The following WDR72 variants were observed in gnomAD, a reference collection of about 807,000 sequenced individuals.
WDR72 encodes WD repeat domain 72, also known as WD repeat-containing protein 72.
A neutral mutation model predicts 124.2 loss-of-function variants in WDR72; 120 were observed. That is an observed-to-expected ratio of 0.97 (90% CI 0.83 to 1.12). WDR72 has a LOEUF of 1.12. Ranked by LOEUF, WDR72 falls within the 50% of genes most tolerant of loss-of-function variation. The probability of loss-of-function intolerance (pLI) is 0.00; values close to 1 mark genes in which losing one functional copy is unlikely to be tolerated. For synonymous variants in WDR72, 452 were observed against 441.7 expected, an observed-to-expected ratio of 1.02 and a Z score of -0.29; for missense variants, 1,387 against 1,278.8, an observed-to-expected ratio of 1.08 and a Z score of -1.29.
chr15:53,524,599 G>A (rs1025352563), intron 18 of WDR72, among the ~76,000 whole-genome samples: 4 of 151,968 alleles, frequency 2.6e-5, no homozygotes, highest in African/African-American at 7.2e-5. Flanking sequence ...AAGACCACAC[G>A]GACAAACTTT....
chr15:53,669,712 A>G (rs576313317), intron 13 of WDR72, among the ~76,000 whole-genome samples: 20 of 152,242 alleles, frequency 1.3e-4, no homozygotes, highest in African/African-American at 4.8e-4. Flanking sequence ...CATCTACAGC[A>G]AAAAAATAAC....
chr15:53,663,285 G>T (rs1416868868), intron 14 of WDR72, among the ~76,000 whole-genome samples: 2 of 152,010 alleles, frequency 1.3e-5, no homozygotes, highest in East Asian at 3.9e-4. Flanking sequence ...AGTATAGTAT[G>T]TAGGACAAAG....
chr15:53,543,014 A>G (rs1227521184), intron 18 of WDR72, among the ~76,000 whole-genome samples: 61 of 151,652 alleles, frequency 4.0e-4, no homozygotes, highest in African/African-American at 1.4e-3. Flanking sequence ...GTGACCTACA[A>G]AGAGACTTAG....
At chr15:53,649,523 A>T (rs1476220386) in intron 14 of WDR72, among the ~76,000 whole-genome samples, 1 of 152,048 alleles carries the variant, frequency 6.6e-6, no homozygotes, top group Non-Finnish European at 1.5e-5. Flanking sequence ...TACTCATGAG[A>T]TTTTCCACCA....
intron 2 of WDR72, among the ~76,000 whole-genome samples, chr15:53,726,036 C>T (rs1408943671): frequency 1.3e-5 from 2 of 149,740 alleles, no homozygotes; most frequent in African/African-American, 2.5e-5. Flanking sequence ...TGCACCACTG[C>T]ACTACAGCCT....
At chr15:53,741,159 T>A (rs1282485709) in intron 1 of WDR72, among the ~76,000 whole-genome samples, 1 of 152,236 alleles carries the variant, frequency 6.6e-6, no homozygotes, top group Non-Finnish European at 1.5e-5. Context: ...AGGATATAGT[T>A]CTAAAGACTC....
chr15:53,630,725 T>A (rs577675288), intron 14 of WDR72, among the ~76,000 whole-genome samples: 28 of 152,190 alleles, frequency 1.8e-4, no homozygotes, highest in African/African-American at 6.7e-4. Context: ...TGATAGAGGG[T>A]ATCTGTGGAA....
chr15:53,664,027 A>G lies in WDR72; in HGVS notation c.1962+1545T>C, dbSNP rs370639436. On this transcript the variant is annotated intron_variant, in intron 14 of 19. Transcript: ENST00000360509. ...CCGGTTTCAATATCTGAAGGAGGAA[A>G]GTACGAACAAAAGCAGGTGTTCTAA... 1.8e-3 allele frequency among the ~76,000 whole-genome samples: 268 copies of G among 152,254 alleles called. 2 individuals are homozygous for G. Among genetic ancestry groups the G allele is most frequent in the Middle Eastern group, 6.8e-3 (2 of 294 alleles).
chr15:53,610,647 G>A (rs1474719153), intron 16 of WDR72, among the ~76,000 whole-genome samples: 2 of 151,808 alleles, frequency 1.3e-5, no homozygotes, highest in East Asian at 3.9e-4. Flanking sequence ...TGTATACAAT[G>A]CAATTTGAGA....
chr15:53,659,258 G>A (rs1316335715), intron 14 of WDR72, among the ~76,000 whole-genome samples: 1 of 152,070 alleles, frequency 6.6e-6, no homozygotes, highest in Non-Finnish European at 1.5e-5. Context: ...TAAATACATC[G>A]AGGGAACTTG....
At chr15:53,620,491 C>A (rs1210587336) in intron 14 of WDR72, among the ~76,000 whole-genome samples, 2 of 151,786 alleles carry the variant, frequency 1.3e-5, no homozygotes, top group Non-Finnish European at 2.9e-5. Flanking sequence ...AGAAATAAAC[C>A]TAAATACTTA....
intron 13 of WDR72, among the ~76,000 whole-genome samples, chr15:53,698,591 G>A (rs1236419700): frequency 1.3e-5 from 2 of 152,184 alleles, no homozygotes; most frequent in Non-Finnish European, 2.9e-5. Flanking sequence ...AATATGATCC[G>A]AGGTCCTATT....
chr15:53,697,439 G>C (rs2017037064), intron 13 of WDR72, among the ~76,000 whole-genome samples: 1 of 152,168 alleles, frequency 6.6e-6, no homozygotes, highest in Non-Finnish European at 1.5e-5. Flanking sequence ...TCTGGCAGGA[G>C]CTGCTTCTTT....
At chr15:53,677,860 C>G (rs577312708) in intron 13 of WDR72, among the ~76,000 whole-genome samples, 158 of 152,300 alleles carry the variant, frequency 1.0e-3, no homozygotes, top group African/African-American at 3.5e-3. Context: ...TTATCTACCA[C>G]TAATTGAGTA....
In WDR72 at chr15:53,609,289, G is replaced by A. The variant is rs113416720; in HGVS notation, c.2952+224C>T. Among the ~76,000 whole-genome samples, 4 of 152,196 alleles carry A rather than the reference G, an allele frequency of 2.6e-5. 1 individual carries two copies. Among genetic ancestry groups the A allele is most frequent in the African/African-American group, 9.6e-5 (4 of 41,552 alleles). ...AACAAGCAAGAAATTACCTGTGATAGCAAGAACCTCCCTCCCTCAGCCCCG... is the reference window on the plus strand; with the variant it reads ...AACAAGCAAGAAATTACCTGTGATAACAAGAACCTCCCTCCCTCAGCCCCG... On this transcript the variant is annotated intron_variant, in intron 17 of 19. Transcript: ENST00000360509.
chr15:53,714,716 G>C (rs977236710), intron 5 of WDR72, among the ~76,000 whole-genome samples: 6 of 152,150 alleles, frequency 3.9e-5, no homozygotes, highest in African/African-American at 1.4e-4. Context: ...CTAGGTATAA[G>C]AAGAGCACCA....
intron 9 of WDR72, among the ~76,000 whole-genome samples, chr15:53,706,360 A>ATATATATATATATATGTGTGTG (rs2017368212): frequency 2.4e-5 from 1 of 42,460 alleles, no homozygotes; most frequent in African/African-American, 8.8e-5. Flanking sequence ...GTATATATAT[A>ATATATATATATATATGTGTGTG]TATATATATA....
chr15:53,633,287 C>T (rs985629363), intron 14 of WDR72, among the ~76,000 whole-genome samples: 5 of 152,144 alleles, frequency 3.3e-5, no homozygotes, highest in Admixed American at 6.5e-5. Context: ...CTCCCCATAA[C>T]TCTCTCTTCT....
At chr15:53,534,990 G>C (rs148272278) in intron 18 of WDR72, among the ~76,000 whole-genome samples, 1 of 151,982 alleles carries the variant, frequency 6.6e-6, no homozygotes, top group East Asian at 1.9e-4. Flanking sequence ...CCATCTCACT[G>C]ATATTTCATT....
Sources: allele counts gnomAD v4.1 joint callset (sites outside exome capture counted in the v4.1 genomes callset), GRCh38; gene constraint gnomAD v4.1.1; transcripts MANE v1.5; gene names NCBI Gene and HGNC (gene_info 2026-07-23, HGNC 2026-07-21).